The following LMAN2 variants were observed in gnomAD, a reference collection of about 807,000 sequenced individuals.
LMAN2 encodes the protein lectin, mannose binding 2.
In LMAN2, 22 loss-of-function variants were observed where a neutral mutation model predicts 39.3. The observed-to-expected ratio is 0.56, with a 90% confidence interval of 0.40 to 0.80. The LOEUF (loss-of-function observed/expected upper bound fraction) is 0.80. Among genes scored for constraint, LMAN2 ranks in the 30% least tolerant of loss-of-function variants. The pLI is 0.00. For synonymous variants in LMAN2, 207 were observed against 207.8 expected, an observed-to-expected ratio of 1.00 and a Z score of 0.03; for missense variants, 494 against 505.4, an observed-to-expected ratio of 0.98 and a Z score of 0.22.
At chr5:177,335,642 T>C (rs1050509173) in intron 6 of LMAN2, among the ~76,000 whole-genome samples, 20 of 152,034 alleles carry the variant, frequency 1.3e-4, no homozygotes, top group Non-Finnish European at 2.8e-4. Context: ...CTGGAAATGA[T>C]GAAAGCTGGT....
intron 6 of LMAN2, among the ~76,000 whole-genome samples, chr5:177,336,407 C>T (rs1168816094): frequency 3.3e-5 from 5 of 152,092 alleles, no homozygotes; most frequent in Non-Finnish European, 7.4e-5. Context: ...GGGCTGAAGG[C>T]GATTACTGAA....
At chr5:177,347,164 A>T (rs1761649379) in intron 2 of LMAN2, among the ~76,000 whole-genome samples, 1 of 152,190 alleles carries the variant, frequency 6.6e-6, no homozygotes, top group African/African-American at 2.4e-5. Context: ...CAGAAACCAG[A>T]TTTCAAATGG....
chr5:177,341,053 C>T (rs1325343215), intron 2 of LMAN2, among the ~76,000 whole-genome samples: 1 of 142,404 alleles, frequency 7.0e-6, no homozygotes, highest in African/African-American at 2.7e-5. Context: ...CCACGCCCAG[C>T]CTTTTTTTTT....
At chr5:177,350,069 G>A (rs953891140) in intron 2 of LMAN2, among the ~76,000 whole-genome samples, 3 of 152,212 alleles carry the variant, frequency 2.0e-5, no homozygotes, top group South Asian at 2.1e-4. Context: ...CTTCACAGGG[G>A]ACTCCACGCT....
rs749853562 is a variant in LMAN2 at position 177,332,149 on chromosome 5, GACA to G, written c.1005_1007del (p.Val336del). 8 of 1,613,558 alleles carry G rather than the reference GACA, an allele frequency of 5.0e-6. No homozygotes were observed. Among genetic ancestry groups the G allele is most frequent in the Non-Finnish European group, 5.9e-6 (7 of 1,179,968 alleles). ...ACACCACGGCCCCCACCACGGCGCA[GACA>G]ACGATGCCCAGGAGAGCGCACAGCA... On this transcript the variant is annotated inframe_deletion, in exon 8 of 8. Coordinates refer to ENST00000303127, the MANE Select transcript of LMAN2 (RefSeq NM_006816.3). The surrounding 1 kb of genome is among the most constrained non-coding windows in gnomAD (Gnocchi z 6.3).
At position 177,332,047 on chromosome 5, in the gene LMAN2, G is replaced by C; in HGVS notation, c.*39C>G. The C allele has an allele frequency of 1.3e-6, 2 of 1,539,626 alleles. No homozygotes were observed. Among genetic ancestry groups the C allele is most frequent in the South Asian group, 1.2e-5 (1 of 83,250 alleles). On this transcript the variant is annotated 3_prime_UTR_variant, in exon 8 of 8. Coordinates refer to ENST00000303127, the MANE Select transcript of LMAN2 (RefSeq NM_006816.3). The surrounding 1 kb of genome is among the most constrained non-coding windows in gnomAD (Gnocchi z 6.3). ...CCGGTAAAAAAAAAAGTTCACATTG[G>C]CTCCTGGGCCCAGGGACAGGCCCCG...
In LMAN2 at chr5:177,332,290, G is replaced by C; in HGVS notation, c.911-44C>G. The C allele has an allele frequency of 6.3e-7, 1 of 1,575,624 alleles. No individual in the cohort carries two copies. Among genetic ancestry groups the C allele is most frequent in the Non-Finnish European group, 8.7e-7 (1 of 1,154,372 alleles). On this transcript the variant is annotated intron_variant, in intron 7 of 7. Transcript: ENST00000303127. The surrounding 1 kb of genome is among the most constrained non-coding windows in gnomAD (Gnocchi z 6.3). The stretch of plus-strand genomic sequence containing the variant: ...GGGAGCTGAAACGGCAGCACGGGCC[G>C]GGGATCAGGGGGCTGCAGGAGGGCA...
In LMAN2 at chr5:177,332,866, G is replaced by T. The variant is rs984665693; in HGVS notation, c.911-620C>A. On this transcript the variant is annotated intron_variant, in intron 7 of 7. Transcript: ENST00000303127. This position sits in a 1 kb window ranked among gnomAD's most constrained non-coding sequence, Gnocchi z 6.3. ...CAAGCTCTCCAGGCTGTGGGTGGAG[G>T]AGCTGGGGTCTGGCTGGGCCCTGTT... Among the ~76,000 whole-genome samples, 1 of 152,160 alleles carries T rather than the reference G, an allele frequency of 6.6e-6. No individual in the cohort carries two copies. Among genetic ancestry groups the T allele is most frequent in the East Asian group, 1.9e-4 (1 of 5,178 alleles).
rs1268987537 is a variant in LMAN2 at position 177,337,890 on chromosome 5, C to A, written c.434-105G>T. On this transcript the variant is annotated intron_variant, in intron 3 of 7. Transcript: ENST00000303127. This position sits in a 1 kb window ranked among gnomAD's most constrained non-coding sequence, Gnocchi z 8.2. Reference sequence around the variant, plus strand: ...CATGGGTGGGGGCAAGAGAGCCCAACCCACTGGCCATTCACCGAGAGAGAA... The same window carrying A: ...CATGGGTGGGGGCAAGAGAGCCCAAACCACTGGCCATTCACCGAGAGAGAA... 4.4e-6 allele frequency: 4 copies of A among 899,716 alleles called. No homozygotes were observed. The East Asian group carries it at 1.0e-4, about 23-fold the overall frequency. 55.7% of individuals were successfully genotyped at this position (899,716 alleles called of 1,614,324 possible). A position where few individuals can be genotyped will look rare whatever the true frequency, so the allele number is the denominator to read the frequency against.
At chr5:177,334,463 A>C (rs925333291) in intron 6 of LMAN2, 60 bp from the exon 7 acceptor site, 3 of 1,556,400 alleles carry the variant, frequency 1.9e-6, no homozygotes, top group Non-Finnish European at 2.6e-6. Flanking sequence ...CACGTGGCCC[A>C]AGACCCTCCC....
Position 177,332,570 on chromosome 5 carries a change from G to A in LMAN2, c.911-324C>T, listed in dbSNP as rs1227666329. 6.6e-6 allele frequency among the ~76,000 whole-genome samples: 1 copy of A among 152,140 alleles called. No homozygotes were observed. The highest frequency in any genetic ancestry group is 1.5e-5 in the Non-Finnish European group (1 of 68,002). ...TGAGTCCAACTCTGGATAAGGGGAG[G>A]CCCAGGAGTCTACATATCCAAGCCC... On this transcript the variant is annotated intron_variant, in intron 7 of 7. Coordinates refer to ENST00000303127, the MANE Select transcript of LMAN2 (RefSeq NM_006816.3). The surrounding 1 kb of genome is among the most constrained non-coding windows in gnomAD (Gnocchi z 6.3).
Position 177,337,275 on chromosome 5 carries a change from C to G in LMAN2, c.676-25G>C, listed in dbSNP as rs747834552. ...CCTGCAGGGCCCAGCACGCTAAGCA[C>G]CTCGCAGGACAGCAGCCTGCCCTCC... On this transcript the variant is annotated intron_variant, in intron 5 of 7. Coordinates refer to ENST00000303127, the MANE Select transcript of LMAN2 (RefSeq NM_006816.3). This position sits in a 1 kb window ranked among gnomAD's most constrained non-coding sequence, Gnocchi z 8.2. 1.2e-6 allele frequency: 2 copies of G among 1,613,406 alleles called. No homozygotes were observed. Among genetic ancestry groups the G allele is most frequent in the Non-Finnish European group, 1.7e-6 (2 of 1,179,778 alleles).
chr5:177,340,318 A>AT (rs1761533118), intron 2 of LMAN2, among the ~76,000 whole-genome samples: 1 of 152,062 alleles, frequency 6.6e-6, no homozygotes, highest in South Asian at 2.1e-4. Flanking sequence ...CCACAAAAGC[A>AT]TTTTTTCTTT....
In LMAN2 at chr5:177,332,290, GGGGATCA is replaced by G. The variant is rs776192494; in HGVS notation, c.911-51_911-45del. The G allele has an allele frequency of 2.1e-5, 33 of 1,575,506 alleles. No homozygotes were observed. In the African/African-American group the frequency reaches 4.0e-4, roughly 19 times the overall value. On this transcript the variant is annotated intron_variant, in intron 7 of 7. Transcript: ENST00000303127. This position sits in a 1 kb window ranked among gnomAD's most constrained non-coding sequence, Gnocchi z 6.3. ...GGGAGCTGAAACGGCAGCACGGGCC[GGGGATCA>G]GGGGGCTGCAGGAGGGCAGTGGGGA...
rs1013708978 is a variant in LMAN2, at chr5:177,337,974, T to C, written c.434-189A>G. Among the ~76,000 whole-genome samples the C allele has an allele frequency of 6.6e-6, 1 of 150,864 alleles. No individual in the cohort carries two copies. The highest frequency in any genetic ancestry group is 2.4e-5 in the African/African-American group (1 of 40,932). On this transcript the variant is annotated intron_variant, in intron 3 of 7. Transcript: ENST00000303127. The surrounding 1 kb of genome is among the most constrained non-coding windows in gnomAD (Gnocchi z 8.2). ...CTCAGAAGTGGGGGGTCTAGGCATA[T>C]GACACAGAGGACTCAAGTTTGAAGG...
At chr5:177,343,234 AC>A (rs1440333430) in intron 2 of LMAN2, among the ~76,000 whole-genome samples, 1 of 152,200 alleles carries the variant, frequency 6.6e-6, no homozygotes, top group Non-Finnish European at 1.5e-5. Context: ...CAGCCTGGCG[AC>A]AGGGCGAGAC....
chr5:177,340,868 C>G (rs1761541153), intron 2 of LMAN2, among the ~76,000 whole-genome samples: 1 of 151,546 alleles, frequency 6.6e-6, no homozygotes, highest in African/African-American at 2.4e-5. Context: ...CATTCTCCTG[C>G]CTCAGCCTCC....
chr5:177,339,299 C>T (rs973197800), intron 2 of LMAN2, among the ~76,000 whole-genome samples: 1 of 152,256 alleles, frequency 6.6e-6, no homozygotes, highest in Non-Finnish European at 1.5e-5. Context: ...CAGGCCGGGT[C>T]AGTGCTGCTG....
chr5:177,346,613 CAG>C (rs1334443268), intron 2 of LMAN2, among the ~76,000 whole-genome samples: 2 of 151,802 alleles, frequency 1.3e-5, no homozygotes, highest in Non-Finnish European at 2.9e-5. Context: ...ACATATAAAA[CAG>C]AAACTGACAG....
Sources: allele counts gnomAD v4.1 joint callset (sites outside exome capture counted in the v4.1 genomes callset), GRCh38; gene constraint gnomAD v4.1.1; non-coding constraint Gnocchi (gnomAD v3.1); transcripts MANE v1.5; gene names NCBI Gene and HGNC (gene_info 2026-07-23, HGNC 2026-07-21).